MAPKAP1: variants seen among roughly 807,000 people sequenced by gnomAD.
MAPKAP1 encodes the protein target of rapamycin complex 2 subunit MAPKAP1.
Under a neutral mutation model 65.7 loss-of-function variants are expected in MAPKAP1, and 20 were observed. The ratio of observed to expected loss-of-function variants is 0.30; its 90% CI spans 0.21 to 0.44. MAPKAP1 has a LOEUF of 0.44. Ranked by LOEUF, MAPKAP1 falls within the 20% of genes least tolerant of loss-of-function variation. MAPKAP1 has a pLI of 1.00. For synonymous variants in MAPKAP1, 222 were observed against 244.3 expected (o/e 0.91, Z 0.85); for missense variants, 423 against 648.0 (o/e 0.65, Z 3.77).
chr9:125,550,522 G>A lies in MAPKAP1; in HGVS notation c.849-7354C>T, dbSNP rs150681707. Among the ~76,000 whole-genome samples, 74 of 152,318 alleles carry A rather than the reference G, an allele frequency of 4.9e-4. 2 individuals carry two copies. Among genetic ancestry groups the A allele is most frequent in the African/African-American group, 1.6e-3 (68 of 41,570 alleles). On this transcript the variant is annotated intron_variant, in intron 6 of 11. Transcript: ENST00000265960. The stretch of plus-strand genomic sequence containing the variant: ...TGTGCTTTTATGGTAGGAACAAAGC[G>A]AATCCTGGCACAATTTCAAGACATT...
intron 10 of MAPKAP1, among the ~76,000 whole-genome samples, chr9:125,458,834 CCGGG>C (rs1477694892): frequency 0.011 from 797 of 69,514 alleles, 1 homozygote; most frequent in Middle Eastern, 0.037. Context: ...GGGCGGCTGG[CCGGG>C]TGGGGGGCTG....
chr9:125,576,023 A>T (rs1396580011), intron 5 of MAPKAP1, among the ~76,000 whole-genome samples: 1 of 152,252 alleles, frequency 6.6e-6, no homozygotes, highest in South Asian at 2.1e-4. Context: ...GTGAGAAATA[A>T]GTGTATCACA....
chr9:125,481,845 G>C lies in MAPKAP1; in HGVS notation c.1207+2598C>G, dbSNP rs530421864. 2.0e-5 allele frequency among the ~76,000 whole-genome samples: 3 copies of C among 152,120 alleles called. No individual in the cohort carries two copies. The East Asian group carries it at 5.8e-4, about 30-fold the overall frequency. ...GCATTCTTACTTTCATAAACTGAAA[G>C]TGTGGCCAGGCGTGGTGGTTCACGC... On this transcript the variant is annotated intron_variant, in intron 9 of 11. Coordinates refer to ENST00000265960, the MANE Select transcript of MAPKAP1 (RefSeq NM_001006617.3).
chr9:125,501,174 G>A (rs1000055686), intron 8 of MAPKAP1, among the ~76,000 whole-genome samples: 2 of 152,160 alleles, frequency 1.3e-5, no homozygotes, highest in Non-Finnish European at 2.9e-5. Flanking sequence ...ACTCTGGAAC[G>A]AACAAATATA....
At chr9:125,689,209 G>A (rs1835081431) in intron 1 of MAPKAP1, among the ~76,000 whole-genome samples, 1 of 149,424 alleles carries the variant, frequency 6.7e-6, no homozygotes, top group Non-Finnish European at 1.5e-5. Flanking sequence ...AGGCCGAGGT[G>A]GGCGGATCAC....
intron 4 of MAPKAP1, among the ~76,000 whole-genome samples, chr9:125,636,975 T>G (rs1206719036): frequency 6.6e-6 from 1 of 152,122 alleles, no homozygotes; most frequent in African/African-American, 2.4e-5. Flanking sequence ...CTAATTAAAT[T>G]TATTGCAAAC....
intron 4 of MAPKAP1, among the ~76,000 whole-genome samples, chr9:125,638,195 G>A (rs1286565578): frequency 6.6e-6 from 1 of 152,204 alleles, no homozygotes. Context: ...GAAGGGCAGT[G>A]GGAGTATTTA....
rs563055192 is a variant in MAPKAP1 at position 125,635,782 on chromosome 9, T to C, written c.498+21869A>G. On this transcript the variant is annotated intron_variant, in intron 4 of 11. Transcript: ENST00000265960. ...TTCTGATTTTTAAGGTAAGTCTTTA[T>C]ACAGAAATTTCTTAATGCTTCTTTA... 1.5e-3 allele frequency among the ~76,000 whole-genome samples: 231 copies of C among 152,344 alleles called. 1 individual carries two copies. Among genetic ancestry groups the C allele is most frequent in the Admixed American group, 2.8e-3 (43 of 15,294 alleles).
chr9:125,486,372 G>A (rs572681284), intron 8 of MAPKAP1, among the ~76,000 whole-genome samples: 58 of 152,280 alleles, frequency 3.8e-4, no homozygotes, highest in Admixed American at 3.0e-3. Flanking sequence ...AGCCTGTCTC[G>A]CAGGGGCTGA....
At chr9:125,468,802 G>A (rs376455942) in intron 9 of MAPKAP1, among the ~76,000 whole-genome samples, 14 of 152,156 alleles carry the variant, frequency 9.2e-5, no homozygotes, top group South Asian at 6.2e-4. Context: ...TGAGTTTTAC[G>A]CAACAGGAAT....
chr9:125,671,565 A>G (rs2131799002), intron 2 of MAPKAP1, among the ~76,000 whole-genome samples: 1 of 152,230 alleles, frequency 6.6e-6, no homozygotes, highest in South Asian at 2.1e-4. Context: ...GAACTACAAT[A>G]TGTATTCTAA....
At chr9:125,522,545 C>A (rs188881132) in intron 7 of MAPKAP1, among the ~76,000 whole-genome samples, 2 of 152,170 alleles carry the variant, frequency 1.3e-5, no homozygotes, top group Admixed American at 1.3e-4. Context: ...GACATTAAAT[C>A]GGCTCCCAAG....
At chr9:125,576,331 C>T (rs1223661277) in intron 5 of MAPKAP1, among the ~76,000 whole-genome samples, 1 of 152,066 alleles carries the variant, frequency 6.6e-6, no homozygotes, top group Non-Finnish European at 1.5e-5. Flanking sequence ...ATGTACCACA[C>T]TAATGCAAGA....
chr9:125,599,612 T>A (rs1249922540), intron 4 of MAPKAP1, among the ~76,000 whole-genome samples: 1 of 151,676 alleles, frequency 6.6e-6, no homozygotes, highest in Non-Finnish European at 1.5e-5. Flanking sequence ...CCCTTTTTTT[T>A]TTTTTTTTTG....
At chr9:125,468,174 A>C (rs2132991415) in intron 9 of MAPKAP1, 65 bp from the exon 10 acceptor site, 7 of 1,536,550 alleles carry the variant, frequency 4.6e-6, no homozygotes, top group Non-Finnish European at 6.2e-6. Flanking sequence ...GATTTCAGGG[A>C]AATCATTTGA....
At chr9:125,571,574 C>T (rs899336908) in intron 5 of MAPKAP1, among the ~76,000 whole-genome samples, 6 of 152,258 alleles carry the variant, frequency 3.9e-5, no homozygotes, top group East Asian at 1.9e-4. Context: ...GCTGCTGATC[C>T]GGCCAGGTGC....
chr9:125,676,696 G>A (rs1383515500), intron 1 of MAPKAP1, among the ~76,000 whole-genome samples: 5 of 152,172 alleles, frequency 3.3e-5, no homozygotes, highest in Non-Finnish European at 5.9e-5. Flanking sequence ...CAGTGGTGAC[G>A]GTTGCACCAT....
At chr9:125,654,670 A>G (rs1467369376) in intron 4 of MAPKAP1, among the ~76,000 whole-genome samples, 3 of 152,168 alleles carry the variant, frequency 2.0e-5, no homozygotes, top group Non-Finnish European at 4.4e-5. Flanking sequence ...GGAACCAAAA[A>G]TTACTTGGAA....
At chr9:125,624,315 G>A (rs1277890208) in intron 4 of MAPKAP1, among the ~76,000 whole-genome samples, 1 of 23,680 alleles carries the variant, frequency 4.2e-5, no homozygotes, top group Non-Finnish European at 1.4e-4. Flanking sequence ...CCGGCCAGCC[G>A]CCCCGTCCGG....
Sources: gnomAD v4.1 joint callset for allele counts (sites outside exome capture counted in the v4.1 genomes callset) on GRCh38, gnomAD v4.1.1 for gene constraint, MANE v1.5 for transcripts, NCBI Gene and HGNC (gene_info 2026-07-23, HGNC 2026-07-21) for gene names.